The following RTN4 variants were observed in gnomAD, a reference collection of about 807,000 sequenced individuals.
The protein encoded by RTN4 is reticulon-4.
Under a neutral mutation model 90.4 loss-of-function variants are expected in RTN4, and 32 were observed. That is an observed-to-expected ratio of 0.35 (90% confidence interval 0.27 to 0.48). RTN4 has a LOEUF of 0.48. RTN4 is among the 20% of genes least tolerant of loss of function. The pLI, the probability that RTN4 is intolerant of heterozygous loss-of-function variation, is 0.99. For missense variants in RTN4, 1,706 were observed against 1,430.2 expected, an observed-to-expected ratio of 1.19 and a Z score of -3.11; for synonymous variants, 629 against 552.5, an observed-to-expected ratio of 1.14 and a Z score of -1.94.
intron 1 of RTN4, among the ~76,000 whole-genome samples, chr2:55,110,907 G>C (rs958392512): frequency 6.6e-6 from 1 of 152,130 alleles, no homozygotes; most frequent in Non-Finnish European, 1.5e-5. Flanking sequence ...TGGGCGTGGT[G>C]GCACATGCCT....
At chr2:54,986,117 T>A (rs1219154436) in intron 4 of RTN4, among the ~76,000 whole-genome samples, 1 of 152,088 alleles carries the variant, frequency 6.6e-6, no homozygotes, top group Non-Finnish European at 1.5e-5. Context: ...GGTACAAAAC[T>A]CTGGAAGGGG....
chr2:55,051,917 A>G (rs1208817298), upstream of RTN4, among the ~76,000 whole-genome samples: 2 of 150,084 alleles, frequency 1.3e-5, no homozygotes, highest in Non-Finnish European at 3.0e-5. Flanking sequence ...GGCTCACATT[A>G]TATTTCTTTT....
In RTN4 at chr2:55,050,401, C is replaced by A. The variant is rs73936817; in HGVS notation, c.-101G>T. The A allele has an allele frequency of 8.0e-3, 5,045 of 627,438 alleles. 156 individuals carry two copies. The highest frequency in any genetic ancestry group is 0.075 in the African/African-American group (3,975 of 52,748). 38.9% of individuals were successfully genotyped at this position (627,438 alleles called of 1,614,324 possible). A position where few individuals can be genotyped will look rare whatever the true frequency, so the allele number is the denominator to read the frequency against. On this transcript the variant is annotated 5_prime_UTR_variant, in exon 1 of 9. Transcript: ENST00000337526. The surrounding 1 kb of genome is among the most constrained non-coding windows in gnomAD (Gnocchi z 4.6). ...GGGGGTTGGGGAGGACTGAGAGGGG[C>A]TGGGCCGACTGAGCCGAGGGACCTA...
intron 4 of RTN4, among the ~76,000 whole-genome samples, chr2:54,986,692 T>C (rs1466992653): frequency 6.6e-6 from 1 of 152,176 alleles, no homozygotes; most frequent in Non-Finnish European, 1.5e-5. Flanking sequence ...GGGGAAAAGT[T>C]CATTTAAAAA....
chr2:54,972,811 TC>T lies in RTN4; in HGVS notation c.*344del, dbSNP rs1675163842. 1.0e-5 allele frequency: 2 copies of T among 197,202 alleles called. No homozygotes were observed. Among genetic ancestry groups the T allele is most frequent in the South Asian group, 3.6e-4 (2 of 5,612 alleles). The allele number at this position is 197,202 out of a possible 1,614,324, so 12.2% of individuals were successfully genotyped here. On this transcript the variant is annotated 3_prime_UTR_variant, in exon 9 of 9. Transcript: ENST00000337526. ...TGAAAAGGGCTTTTTTTTTTTTTTT[TC>T]TAGCTCCACCATCTCTGCAACTTGC...
chr2:55,033,068 A>G, intron 1 of RTN4, among the ~76,000 whole-genome samples: 1 of 151,786 alleles, frequency 6.6e-6, no homozygotes, highest in East Asian at 1.9e-4. Flanking sequence ...AAAAAAAAGA[A>G]AAAATGGCCT....
chr2:55,054,397 T>C (rs1348530492), upstream of RTN4, among the ~76,000 whole-genome samples: 1 of 152,210 alleles, frequency 6.6e-6, no homozygotes, highest in East Asian at 1.9e-4. Context: ...CTTTGAAGAA[T>C]ACAGCACTAC....
chr2:55,130,644 G>A, the RTN4 span, among the ~76,000 whole-genome samples: 1 of 152,144 alleles, frequency 6.6e-6, no homozygotes, highest in Non-Finnish European at 1.5e-5. Context: ...TCAGCTACTT[G>A]GGAGGCTGAG....
At chr2:55,130,752 C>G in the RTN4 span, among the ~76,000 whole-genome samples, 1 of 152,078 alleles carries the variant, frequency 6.6e-6, no homozygotes, top group Non-Finnish European at 1.5e-5. Flanking sequence ...ATAATTGAGG[C>G]TCTGAGAGGT....
chr2:55,042,503 T>C lies in RTN4; in HGVS notation c.556+7242A>G, dbSNP rs1683143447. ...ATATACATGTATAAATAAATATTTA[T>C]CCACAGATTATCTCTAAACAGATAC... is the stretch of plus-strand genomic sequence containing the variant. On this transcript the variant is annotated intron_variant, in intron 1 of 8. Transcript: ENST00000337526. Among the ~76,000 whole-genome samples, 4 of 152,192 alleles carry C rather than the reference T, an allele frequency of 2.6e-5. No individual in the cohort carries two copies. In the South Asian group the frequency reaches 8.3e-4, roughly 31 times the overall value.
At chr2:55,106,617 T>A (rs952022147) in intron 1 of RTN4, among the ~76,000 whole-genome samples, 6 of 152,104 alleles carry the variant, frequency 3.9e-5, no homozygotes, top group African/African-American at 1.5e-4. Context: ...CTTCCTGGGT[T>A]CAAGTGATTC....
intron 3 of RTN4, among the ~76,000 whole-genome samples, chr2:54,990,415 A>G (rs940325632): frequency 1.3e-5 from 2 of 152,204 alleles, no homozygotes; most frequent in Non-Finnish European, 2.9e-5. Context: ...AAAAAATAGG[A>G]ATGATCTCAT....
chr2:55,025,251 A>G lies in RTN4; in HGVS notation c.2848T>C (p.Leu950=), dbSNP rs200413257. Residue 950 remains leucine (L), a synonymous_variant, in exon 3 of 9, where the codon TTA becomes CTA. Transcript: ENST00000337526. Reference sequence around the variant, plus strand: ...AAAGCAGAAACATCTGGAGGCAATAAGAGCACCTTTGATGTAGCAGACCCA... The same window carrying G: ...AAAGCAGAAACATCTGGAGGCAATAGGAGCACCTTTGATGTAGCAGACCCA... ...KNGSATSKVL[L]LPPDVSALAT... The G allele has an allele frequency of 2.5e-6, 4 of 1,613,942 alleles. No individual in the cohort carries two copies. The African/African-American group carries it at 5.3e-5, about 22-fold the overall frequency.
chr2:55,057,955 C>A (rs1424718090), intron 2 of RTN4, among the ~76,000 whole-genome samples: 1 of 152,056 alleles, frequency 6.6e-6, no homozygotes, highest in African/African-American at 2.4e-5. Flanking sequence ...TGCCCTCCAG[C>A]TTGGGCAACA....
intron 4 of RTN4, among the ~76,000 whole-genome samples, chr2:54,985,982 G>C (rs971849544): frequency 5.3e-5 from 8 of 152,170 alleles, no homozygotes; most frequent in Admixed American, 2.6e-4. Flanking sequence ...AATGCAGTAG[G>C]AACTGAATTT....
chr2:54,982,405 T>C (rs1678209776), intron 5 of RTN4, 110 bp downstream of exon 5: 1 of 939,820 alleles, frequency 1.1e-6, no homozygotes, highest in African/African-American at 1.7e-5. Flanking sequence ...AGCCATGTGA[T>C]TTAATTAATA....
In RTN4 at chr2:55,042,700, A is replaced by C. The variant is rs560483093; in HGVS notation, c.556+7045T>G. 2.0e-5 allele frequency among the ~76,000 whole-genome samples: 3 copies of C among 152,316 alleles called. No homozygotes were observed. In the East Asian group the frequency reaches 5.8e-4, roughly 29 times the overall value. On this transcript the variant is annotated intron_variant, in intron 1 of 8. Transcript: ENST00000337526. ...AAGATTTGGGATTTTTATTGAGAGAAGATATTATAGTAATTCTAGAACTAT... is the reference window on the plus strand; with the variant it reads ...AAGATTTGGGATTTTTATTGAGAGACGATATTATAGTAATTCTAGAACTAT...
chr2:55,058,459 A>G (rs1668229396), intron 2 of RTN4, among the ~76,000 whole-genome samples: 1 of 152,200 alleles, frequency 6.6e-6, no homozygotes, highest in South Asian at 2.1e-4. Context: ...CCCATACGAA[A>G]TTTCCATGGT....
intron 3 of RTN4, among the ~76,000 whole-genome samples, chr2:55,001,719 C>A (rs1177937643): frequency 6.6e-6 from 1 of 152,150 alleles, no homozygotes; most frequent in African/African-American, 2.4e-5. Context: ...ACAGGCACTT[C>A]AAAACGGAGC....
Sources: allele counts gnomAD v4.1 joint callset (sites outside exome capture counted in the v4.1 genomes callset), GRCh38; gene constraint gnomAD v4.1.1; non-coding constraint Gnocchi (gnomAD v3.1); transcripts MANE v1.5; gene names NCBI Gene and HGNC (gene_info 2026-07-23, HGNC 2026-07-21).